The following CTNNA3 variants were observed in gnomAD, a reference collection of about 807,000 sequenced individuals.
CTNNA3 encodes catenin alpha-3.
A neutral mutation model predicts 95.7 loss-of-function variants in CTNNA3; 76 were observed. That is an observed-to-expected ratio of 0.79 (90% CI 0.66 to 0.96). The LOEUF is 0.96. Among genes scored for constraint, CTNNA3 ranks in the 40% least tolerant of loss-of-function variants. The pLI is 0.00. For synonymous variants in CTNNA3, 431 were observed against 374.4 expected (o/e 1.15, Z -1.74); for missense variants, 1,191 against 1,089.8 (o/e 1.09, Z -1.31).
chr10:65,943,780 A>T (rs76913423), intron 17 of CTNNA3, among the ~76,000 whole-genome samples: 1 of 152,348 alleles, frequency 6.6e-6, no homozygotes, highest in East Asian at 1.9e-4. Context: ...GTATGTGAAC[A>T]TGAGCAAATT....
At chr10:66,516,987 T>G (rs1198435787) in intron 11 of CTNNA3, among the ~76,000 whole-genome samples, 1 of 151,852 alleles carries the variant, frequency 6.6e-6, no homozygotes, top group Non-Finnish European at 1.5e-5. Context: ...CTTTGAGAGG[T>G]CAAGGCGGGT....
intron 12 of CTNNA3, 86 bp from the exon 13 acceptor site, chr10:66,280,707 T>G: frequency 1.0e-6 from 1 of 1,004,170 alleles, no homozygotes; most frequent in Non-Finnish European, 1.4e-6. Flanking sequence ...AGAATTTGGT[T>G]TTAAACAAAT....
chr10:66,896,143 T>C (rs1845483652), intron 7 of CTNNA3, among the ~76,000 whole-genome samples: 1 of 151,988 alleles, frequency 6.6e-6, no homozygotes, highest in African/African-American at 2.4e-5. Context: ...CCATAAACAA[T>C]GCATACAATA....
intron 7 of CTNNA3, among the ~76,000 whole-genome samples, chr10:66,978,552 A>AAAAAAT: frequency 4.8e-4 from 18 of 37,872 alleles, no homozygotes; most frequent in African/African-American, 9.5e-4. Flanking sequence ...AAAAAAAAAA[A>AAAAAAT]ATATATATAT....
intron 5 of CTNNA3, among the ~76,000 whole-genome samples, chr10:67,453,983 C>T (rs1338888689): frequency 6.6e-6 from 1 of 152,000 alleles, no homozygotes; most frequent in Non-Finnish European, 1.5e-5. Flanking sequence ...TATTTTATTT[C>T]TCTGAAACCC....
chr10:66,490,467 CT>C (rs1839884387), intron 11 of CTNNA3, among the ~76,000 whole-genome samples: 1 of 152,112 alleles, frequency 6.6e-6, no homozygotes, highest in Non-Finnish European at 1.5e-5. Flanking sequence ...AAAAAGAAGA[CT>C]ATTTAAAGAT....
At chr10:66,626,463 G>A (rs999873819) in intron 9 of CTNNA3, among the ~76,000 whole-genome samples, 2 of 152,066 alleles carry the variant, frequency 1.3e-5, no homozygotes, top group Non-Finnish European at 2.9e-5. Flanking sequence ...TTCCCATCTG[G>A]CAATTGGTCA....
At chr10:66,692,613 A>C (rs1223171873) in intron 9 of CTNNA3, among the ~76,000 whole-genome samples, 2 of 152,176 alleles carry the variant, frequency 1.3e-5, no homozygotes, top group Non-Finnish European at 1.5e-5. Context: ...TACAGAGGAC[A>C]CCACAAAGAC....
chr10:67,498,421 T>G (rs1013689847), intron 5 of CTNNA3, among the ~76,000 whole-genome samples: 1 of 152,222 alleles, frequency 6.6e-6, no homozygotes, highest in Non-Finnish European at 1.5e-5. Flanking sequence ...ATGCAAGCTC[T>G]TTTTTGGTTC....
intron 13 of CTNNA3, among the ~76,000 whole-genome samples, chr10:66,268,784 T>C (rs1439192081): frequency 1.3e-5 from 2 of 152,160 alleles, no homozygotes; most frequent in Non-Finnish European, 2.9e-5. Context: ...GGAAAGTACA[T>C]TGCATTGAGG....
At chr10:66,997,312 C>A (rs1824200287) in intron 7 of CTNNA3, among the ~76,000 whole-genome samples, 1 of 152,164 alleles carries the variant, frequency 6.6e-6, no homozygotes, top group African/African-American at 2.4e-5. Flanking sequence ...CTGATACAAT[C>A]TGAGCAGGAA....
chr10:67,222,831 T>G (rs1864723034), intron 5 of CTNNA3, among the ~76,000 whole-genome samples: 1 of 152,218 alleles, frequency 6.6e-6, no homozygotes, highest in African/African-American at 2.4e-5. Flanking sequence ...GTGTCAAGGT[T>G]TAGTTTGTTT....
intron 11 of CTNNA3, among the ~76,000 whole-genome samples, chr10:66,428,477 T>G (rs1391236229): frequency 6.6e-6 from 1 of 152,138 alleles, no homozygotes; most frequent in African/African-American, 2.4e-5. Context: ...ACCACATCTA[T>G]TCCAAAATTG....
At chr10:66,441,942 A>G (rs2093378143) in intron 11 of CTNNA3, among the ~76,000 whole-genome samples, 1 of 152,220 alleles carries the variant, frequency 6.6e-6, no homozygotes, top group African/African-American at 2.4e-5. Context: ...CTTGCAGAAA[A>G]AGAATTACAT....
chr10:66,643,562 T>C (rs1845589374), intron 9 of CTNNA3, among the ~76,000 whole-genome samples: 1 of 152,180 alleles, frequency 6.6e-6, no homozygotes, highest in Admixed American at 6.5e-5. Context: ...AATAGGTATC[T>C]AGCATAAACA....
chr10:66,441,041 A>C (rs1712950136), intron 11 of CTNNA3, among the ~76,000 whole-genome samples: 1 of 152,296 alleles, frequency 6.6e-6, no homozygotes, highest in South Asian at 2.1e-4. Flanking sequence ...AGAGTAATTA[A>C]TAAATATTAG....
chr10:66,780,880 T>C (rs1212381396), intron 7 of CTNNA3, among the ~76,000 whole-genome samples: 1 of 152,204 alleles, frequency 6.6e-6, no homozygotes, highest in Non-Finnish European at 1.5e-5. Context: ...AAATTGTTTC[T>C]ATATTCCTTT....
chr10:66,784,100 T>C (rs1564680774), intron 7 of CTNNA3, among the ~76,000 whole-genome samples: 1 of 152,190 alleles, frequency 6.6e-6, no homozygotes, highest in African/African-American at 2.4e-5. Flanking sequence ...CTTGCAGACA[T>C]GTTTATTTTT....
intron 17 of CTNNA3, among the ~76,000 whole-genome samples, chr10:65,932,764 C>A (rs1291151432): frequency 2.0e-5 from 3 of 152,080 alleles, no homozygotes; most frequent in East Asian, 3.9e-4. Flanking sequence ...AGATATTCTT[C>A]CTCTCTAGTT....
Sources: gnomAD v4.1 joint callset for allele counts (sites outside exome capture counted in the v4.1 genomes callset) on GRCh38, gnomAD v4.1.1 for gene constraint, MANE v1.5 for transcripts, NCBI Gene and HGNC (gene_info 2026-07-23, HGNC 2026-07-21) for gene names.